The following UNC13C variants were observed in gnomAD, a reference collection of about 807,000 sequenced individuals.
The protein encoded by UNC13C is protein unc-13 homolog C.
Under a neutral mutation model 245.4 loss-of-function variants are expected in UNC13C, and 174 were observed. That is an observed-to-expected ratio of 0.71 (90% CI 0.63 to 0.80). UNC13C has a LOEUF of 0.80. Among genes scored for constraint, UNC13C ranks in the 30% least tolerant of loss-of-function variants. The pLI is 0.00. For synonymous variants in UNC13C, 992 were observed against 895.1 expected, an observed-to-expected ratio of 1.11 and a Z score of -1.93; for missense variants, 2,829 against 2,602.9, an observed-to-expected ratio of 1.09 and a Z score of -1.89.
intron 25 of UNC13C, among the ~76,000 whole-genome samples, chr15:54,527,857 G>T (rs1895545612): frequency 6.6e-6 from 1 of 152,096 alleles, no homozygotes; most frequent in Admixed American, 6.5e-5. Context: ...TTATATCCTT[G>T]TTGCTATGTT....
At chr15:54,515,662 C>T (rs1566882021) in intron 24 of UNC13C, among the ~76,000 whole-genome samples, 1 of 152,068 alleles carries the variant, frequency 6.6e-6, no homozygotes, top group South Asian at 2.1e-4. Flanking sequence ...TTTATTGGTG[C>T]AATCGTTTTA....
At chr15:54,460,848 G>A (rs1891807695) in intron 19 of UNC13C, among the ~76,000 whole-genome samples, 1 of 152,142 alleles carries the variant, frequency 6.6e-6, no homozygotes, top group Admixed American at 6.5e-5. Flanking sequence ...CGTTAGTCCT[G>A]TCTCCTATTG....
intron 30 of UNC13C, among the ~76,000 whole-genome samples, chr15:54,589,637 T>A (rs1460878193): frequency 6.6e-6 from 1 of 151,916 alleles, no homozygotes; most frequent in East Asian, 1.9e-4. Flanking sequence ...TCTAGTTATG[T>A]CTTTAGCCCA....
At chr15:54,535,438 A>G (rs569070631) in intron 26 of UNC13C, among the ~76,000 whole-genome samples, 9 of 152,190 alleles carry the variant, frequency 5.9e-5, no homozygotes, top group Non-Finnish European at 1.0e-4. Flanking sequence ...GAGACAGATC[A>G]CTGAGGCAGA....
At chr15:53,850,164 C>T in the UNC13C span, among the ~76,000 whole-genome samples, 1 of 152,018 alleles carries the variant, frequency 6.6e-6, no homozygotes, top group Non-Finnish European at 1.5e-5. Context: ...ACCTCTAATC[C>T]TGACACTTTG....
chr15:54,236,911 A>G (rs1367569074), intron 6 of UNC13C, among the ~76,000 whole-genome samples: 1 of 152,158 alleles, frequency 6.6e-6, no homozygotes, highest in Admixed American at 6.5e-5. Flanking sequence ...TACTGTTCCC[A>G]TATGGAGGTT....
rs565244149 is a variant in UNC13C at position 54,408,696 on chromosome 15, T to C, written c.4848-6286T>C. Among the ~76,000 whole-genome samples the C allele has an allele frequency of 2.0e-5, 3 of 152,336 alleles. No individual in the cohort carries two copies. The South Asian group carries it at 6.2e-4, about 32-fold the overall frequency. Reference sequence around the variant, plus strand: ...AAATTAAAAGCGTGACTCCCCAACCTAAGCTTTACAAATTTTCAGTAGTTT... The same window carrying C: ...AAATTAAAAGCGTGACTCCCCAACCCAAGCTTTACAAATTTTCAGTAGTTT... On this transcript the variant is annotated intron_variant, in intron 18 of 32. Coordinates refer to ENST00000260323, the MANE Select transcript of UNC13C (RefSeq NM_001080534.3).
At chr15:54,174,934 CAT>C (rs1380182277) in intron 4 of UNC13C, among the ~76,000 whole-genome samples, 1 of 152,186 alleles carries the variant, frequency 6.6e-6, no homozygotes, top group Non-Finnish European at 1.5e-5. Context: ...AGGAACCTCA[CAT>C]GAGATTAAAT....
intron 2 of UNC13C, among the ~76,000 whole-genome samples, chr15:54,134,691 T>G (rs1385116169): frequency 1.3e-5 from 2 of 152,012 alleles, no homozygotes; most frequent in Non-Finnish European, 2.9e-5. Flanking sequence ...GGCTAATTTT[T>G]TTTTTGTATT....
At chr15:54,447,518 G>A (rs1890886031) in intron 19 of UNC13C, among the ~76,000 whole-genome samples, 1 of 152,128 alleles carries the variant, frequency 6.6e-6, no homozygotes, top group Non-Finnish European at 1.5e-5. Flanking sequence ...TATGTGTTGA[G>A]GAATTTATCC....
At chr15:54,191,525 C>T (rs2034183297) in intron 4 of UNC13C, among the ~76,000 whole-genome samples, 1 of 152,264 alleles carries the variant, frequency 6.6e-6, no homozygotes, top group Middle Eastern at 3.4e-3. Context: ...GTGCATGAGT[C>T]TTTATCATAG....
At chr15:54,581,433 A>G (rs981989045) in intron 30 of UNC13C, among the ~76,000 whole-genome samples, 4 of 152,230 alleles carry the variant, frequency 2.6e-5, no homozygotes, top group African/African-American at 4.8e-5. Context: ...GGGAAGTCCA[A>G]GATCAATGTG....
At chr15:54,005,180 A>C (rs1895080987) in intron 1 of UNC13C, among the ~76,000 whole-genome samples, 2 of 152,194 alleles carry the variant, frequency 1.3e-5, no homozygotes, top group Non-Finnish European at 2.9e-5. Flanking sequence ...CCCAGTGGTG[A>C]GACTTGCATT....
At chr15:54,574,329 C>G (rs893333962) in intron 30 of UNC13C, among the ~76,000 whole-genome samples, 1 of 151,904 alleles carries the variant, frequency 6.6e-6, no homozygotes, top group African/African-American at 2.4e-5. Flanking sequence ...GCTGTTTTTT[C>G]TCAAGAATGC....
At chr15:54,075,012 T>G (rs1232761972) in intron 2 of UNC13C, among the ~76,000 whole-genome samples, 2 of 152,126 alleles carry the variant, frequency 1.3e-5, no homozygotes, top group Non-Finnish European at 2.9e-5. Flanking sequence ...TTTAGTATCA[T>G]CAATATCGTG....
intron 4 of UNC13C, among the ~76,000 whole-genome samples, chr15:54,195,500 G>A (rs1392306714): frequency 2.0e-5 from 3 of 152,110 alleles, no homozygotes; most frequent in Non-Finnish European, 4.4e-5. Flanking sequence ...TGGATAGCGA[G>A]GTGGTAGAGT....
intron 30 of UNC13C, among the ~76,000 whole-genome samples, chr15:54,597,079 A>C (rs927604268): frequency 1.3e-5 from 2 of 152,130 alleles, no homozygotes; most frequent in Non-Finnish European, 1.5e-5. Context: ...TTTCATCCCA[A>C]AACTCATAAG....
At chr15:53,986,966 A>T (rs891935282) in intron 1 of UNC13C, among the ~76,000 whole-genome samples, 8 of 152,042 alleles carry the variant, frequency 5.3e-5, no homozygotes, top group Admixed American at 2.6e-4. Flanking sequence ...TTATCATAGT[A>T]GCTTTAGAAT....
At position 54,341,975 on chromosome 15, in the gene UNC13C, CAA is replaced by C. The variant is rs56264981; in HGVS notation, c.4713+3501_4713+3502del. ...TGGGCGACAGAGCGAGACTCTGTCTCAAAAAAAAAAAAAAAAGTAGTATTTCG... is the reference window on the plus strand; with the variant it reads ...TGGGCGACAGAGCGAGACTCTGTCTCAAAAAAAAAAAAAAGTAGTATTTCG... On this transcript the variant is annotated intron_variant, in intron 17 of 32. Transcript: ENST00000260323. 5.4e-3 allele frequency among the ~76,000 whole-genome samples: 691 copies of C among 126,796 alleles called. 26 individuals are homozygous for C. In the East Asian group the frequency reaches 0.11, roughly 20 times the overall value. The allele number at this position is 126,796 out of a possible 152,430, so 83.2% of individuals were successfully genotyped here.
Sources: allele counts gnomAD v4.1 joint callset (sites outside exome capture counted in the v4.1 genomes callset), GRCh38; gene constraint gnomAD v4.1.1; transcripts MANE v1.5; gene names NCBI Gene and HGNC (gene_info 2026-07-23, HGNC 2026-07-21).